Variants in PDZRN3 observed in about 807,000 individuals in gnomAD.
PDZRN3 encodes the protein E3 ubiquitin-protein ligase PDZRN3.
PDZRN3 carries 38 observed loss-of-function variants against 85.7 expected under a neutral mutation model. The ratio of observed to expected loss-of-function variants is 0.44; its 90% CI spans 0.34 to 0.58. The LOEUF is 0.58. Ranked by LOEUF, PDZRN3 falls within the 20% of genes least tolerant of loss-of-function variation. The probability of loss-of-function intolerance (pLI) is 0.01; values close to 1 mark genes in which losing one functional copy is unlikely to be tolerated. For missense variants in PDZRN3, 1,629 were observed against 1,506.4 expected (o/e 1.08, Z -1.35); for synonymous variants, 759 against 638.0 (o/e 1.19, Z -2.86).
chr3:73,487,062 G>A (rs1355257303), intron 3 of PDZRN3, among the ~76,000 whole-genome samples: 6 of 151,968 alleles, frequency 3.9e-5, no homozygotes, highest in African/African-American at 9.7e-5. Flanking sequence ...TCATCTACAT[G>A]AGAATCAAAT....
At chr3:73,469,270 A>G (rs1173588967) in intron 3 of PDZRN3, among the ~76,000 whole-genome samples, 1 of 152,094 alleles carries the variant, frequency 6.6e-6, no homozygotes, top group African/African-American at 2.4e-5. Context: ...ACAAGGTTTC[A>G]CCATGTTGGC....
chr3:73,595,670 A>G (rs765395828), intron 3 of PDZRN3, among the ~76,000 whole-genome samples: 5 of 152,218 alleles, frequency 3.3e-5, no homozygotes, highest in African/African-American at 7.2e-5. Context: ...GATAACATCT[A>G]AGCAAAGATC....
At chr3:73,544,326 T>C (rs557332049) in intron 3 of PDZRN3, among the ~76,000 whole-genome samples, 1 of 152,388 alleles carries the variant, frequency 6.6e-6, no homozygotes, top group East Asian at 1.9e-4. Flanking sequence ...GAGACCATAT[T>C]ATACACAGTA....
intron 3 of PDZRN3, among the ~76,000 whole-genome samples, chr3:73,516,279 A>G (rs1451974588): frequency 1.3e-5 from 2 of 152,214 alleles, no homozygotes; most frequent in Non-Finnish European, 2.9e-5. Context: ...AGCCAGACAG[A>G]ATGAACATTT....
intron 3 of PDZRN3, among the ~76,000 whole-genome samples, chr3:73,487,652 A>C (rs1207802230): frequency 1.3e-5 from 2 of 152,214 alleles, no homozygotes; most frequent in Non-Finnish European, 2.9e-5. Flanking sequence ...AATTTGGGAC[A>C]GATATGCCCC....
chr3:73,413,366 G>A (rs1400097762), intron 3 of PDZRN3, among the ~76,000 whole-genome samples: 1 of 152,190 alleles, frequency 6.6e-6, no homozygotes, highest in African/African-American at 2.4e-5. Context: ...TTGCAGTCAT[G>A]TCTATGGGAG....
intron 1 of PDZRN3, among the ~76,000 whole-genome samples, chr3:73,619,383 G>A (rs1702815883): frequency 6.6e-6 from 1 of 152,200 alleles, no homozygotes; most frequent in Non-Finnish European, 1.5e-5. Context: ...CCATGCAGGA[G>A]GATAACCAAA....
chr3:73,524,163 A>G (rs949091562), intron 3 of PDZRN3, among the ~76,000 whole-genome samples: 3 of 152,234 alleles, frequency 2.0e-5, no homozygotes, highest in Non-Finnish European at 4.4e-5. Context: ...CCTGCAAAAA[A>G]GAAGGCATGG....
intron 3 of PDZRN3, among the ~76,000 whole-genome samples, chr3:73,475,353 G>A (rs1252418432): frequency 1.3e-5 from 2 of 152,142 alleles, no homozygotes; most frequent in Admixed American, 1.3e-4. Context: ...TCTGTGAATT[G>A]AGACCTGAAA....
chr3:73,525,806 G>A (rs1559722189), intron 3 of PDZRN3, among the ~76,000 whole-genome samples: 1 of 152,104 alleles, frequency 6.6e-6, no homozygotes, highest in African/African-American at 2.4e-5. Context: ...TCCTGCATTC[G>A]CCAGTCTCAC....
At chr3:73,460,753 C>T (rs1329835774) in intron 3 of PDZRN3, among the ~76,000 whole-genome samples, 5 of 151,988 alleles carry the variant, frequency 3.3e-5, no homozygotes, top group Admixed American at 3.3e-4. Flanking sequence ...TTTAACACAG[C>T]CTTTTCTATG....
intron 3 of PDZRN3, among the ~76,000 whole-genome samples, chr3:73,446,696 A>G (rs1377147979): frequency 1.3e-5 from 2 of 152,170 alleles, no homozygotes; most frequent in African/African-American, 4.8e-5. Flanking sequence ...AAGAACGTGG[A>G]TGGAAAACAG....
intron 3 of PDZRN3, among the ~76,000 whole-genome samples, chr3:73,591,794 T>C (rs557649913): frequency 6.6e-6 from 1 of 152,316 alleles, no homozygotes; most frequent in South Asian, 2.1e-4. Context: ...AGAACTAGAA[T>C]TCAAAAGTTG....
At chr3:73,494,008 T>G (rs987777323) in intron 3 of PDZRN3, among the ~76,000 whole-genome samples, 1 of 152,236 alleles carries the variant, frequency 6.6e-6, no homozygotes, top group East Asian at 1.9e-4. Context: ...ATTTGAATAT[T>G]TGGCTCTAGC....
chr3:73,389,102 G>C (rs1442036583), intron 7 of PDZRN3, among the ~76,000 whole-genome samples: 3 of 152,090 alleles, frequency 2.0e-5, no homozygotes, highest in Non-Finnish European at 4.4e-5. Flanking sequence ...AAAATGACCT[G>C]TGGTGAGGTA....
chr3:73,576,372 C>T (rs1250060113), intron 3 of PDZRN3, among the ~76,000 whole-genome samples: 1 of 152,154 alleles, frequency 6.6e-6, no homozygotes, highest in Non-Finnish European at 1.5e-5. Context: ...AAACTGCATC[C>T]TCAAGACCTA....
intron 3 of PDZRN3, among the ~76,000 whole-genome samples, chr3:73,413,183 T>C (rs1702007108): frequency 6.6e-6 from 1 of 152,182 alleles, no homozygotes; most frequent in Non-Finnish European, 1.5e-5. Context: ...GTTGTGAAGA[T>C]TCCTTGTAAA....
intron 3 of PDZRN3, among the ~76,000 whole-genome samples, chr3:73,565,545 G>A (rs1201122022): frequency 2.0e-5 from 3 of 152,110 alleles, no homozygotes; most frequent in Non-Finnish European, 2.9e-5. Context: ...TGTCTCTAAG[G>A]ATTAGGTTGA....
chr3:73,386,063 A>G lies in PDZRN3; in HGVS notation c.1519-278T>C, dbSNP rs1023368267. Among the ~76,000 whole-genome samples the G allele has an allele frequency of 2.6e-5, 4 of 151,716 alleles. No individual in the cohort carries two copies. The East Asian group carries it at 5.9e-4, about 22-fold the overall frequency. On this transcript the variant is annotated intron_variant, in intron 8 of 9. Coordinates refer to ENST00000263666, the MANE Select transcript of PDZRN3 (RefSeq NM_015009.3). ...TCTTTCATCCATCTCAGCTACCTTC[A>G]GTGCAGTAGGACACCTGTGTAGGAG...
Sources: allele counts gnomAD v4.1 joint callset (sites outside exome capture counted in the v4.1 genomes callset), GRCh38; gene constraint gnomAD v4.1.1; transcripts MANE v1.5; gene names NCBI Gene and HGNC (gene_info 2026-07-23, HGNC 2026-07-21).